Variants in FMO3 observed in about 807,000 individuals in gnomAD.
FMO3 encodes the protein flavin containing dimethylaniline monoxygenase 3.
FMO3 carries 40 observed loss-of-function variants against 39.4 expected under a neutral mutation model. The ratio of observed to expected loss-of-function variants is 1.02; its 90% CI spans 0.79 to 1.32. The LOEUF is 1.32. Ranked by LOEUF, FMO3 falls within the 40% of genes most tolerant of loss-of-function variation. FMO3 has a pLI of 0.00. For synonymous variants in FMO3, 219 were observed against 228.8 expected (o/e 0.96, Z 0.39); for missense variants, 680 against 651.8 (o/e 1.04, Z -0.47).
rs1272816715 is a variant in FMO3, at chr1:171,096,041, TA to T, written c.132+3252del. On this transcript the variant is annotated intron_variant, in intron 2 of 8. Transcript: ENST00000367755. ...TTATATATTAATATATAATATATATTATATATAAATATATAATATATATTAT... is the reference window on the plus strand; with the variant it reads ...TTATATATTAATATATAATATATATTTATATAAATATATAATATATATTAT... 1.2e-4 allele frequency among the ~76,000 whole-genome samples: 7 copies of T among 56,474 alleles called. 1 individual carries two copies. Among genetic ancestry groups the T allele is most frequent in the South Asian group, 6.8e-4 (1 of 1,470 alleles). The allele number at this position is 56,474 out of a possible 152,430, so 37.0% of individuals were successfully genotyped here.
At position 171,108,183 on chromosome 1, in the gene FMO3, T is replaced by C; in HGVS notation, c.589T>C (p.Cys197Arg). 6.2e-7 allele frequency: 1 copy of C among 1,613,702 alleles called. No homozygotes were observed. The highest frequency in any genetic ancestry group is 1.1e-5 in the South Asian group (1 of 91,074). ...VLVVGLGNSG[C>R]DIATELSRTA... ...GGTGGTTGGCCTGGGGAATTCGGGC[T>C]GTGATATTGCCACAGAACTCAGCCG... Residue 197 changes from cysteine (C) to arginine (R), a missense_variant, in exon 5 of 9, where the codon TGT becomes CGT. Cys to Arg is a radical substitution (Grantham distance 180). Coordinates refer to ENST00000367755, the MANE Select transcript of FMO3 (RefSeq NM_001002294.3).
At chr1:171,092,908 T>C (rs986796899) in intron 2 of FMO3, 118 bp downstream of exon 2, 23 of 1,093,456 alleles carry the variant, frequency 2.1e-5, no homozygotes, top group Non-Finnish European at 2.4e-5. Flanking sequence ...CTGTTAGAAT[T>C]GGAATCCACT....
At chr1:171,109,153 A>G (rs1386224127) in intron 5 of FMO3, among the ~76,000 whole-genome samples, 1 of 152,146 alleles carries the variant, frequency 6.6e-6, no homozygotes, top group Non-Finnish European at 1.5e-5. Flanking sequence ...AGAAAGGATA[A>G]ATGAGGACCA....
intron 2 of FMO3, chr1:171,101,597 A>T: frequency 6.7e-6 from 3 of 450,706 alleles, no homozygotes; most frequent in South Asian, 4.8e-5. Flanking sequence ...CTTAGCTAAC[A>T]CTAAGGGTGC....
chr1:171,095,794 AAAATAT>A (rs1357430587), intron 2 of FMO3, among the ~76,000 whole-genome samples: 1 of 128,828 alleles, frequency 7.8e-6, no homozygotes, highest in Non-Finnish European at 1.6e-5. Flanking sequence ...AAATATATAA[AAAATAT>A]AAATATATAT....
At chr1:171,110,284 T>C (rs575563515) in intron 5 of FMO3, among the ~76,000 whole-genome samples, 3 of 152,338 alleles carry the variant, frequency 2.0e-5, no homozygotes, top group Admixed American at 2.0e-4. Flanking sequence ...TGCTTATTTG[T>C]AGACAGCAAT....
rs1013913369 is a variant in FMO3 at position 171,096,775 on chromosome 1, A to C, written c.132+3985A>C. On this transcript the variant is annotated intron_variant, in intron 2 of 8. Transcript: ENST00000367755. The stretch of plus-strand genomic sequence containing the variant: ...TATATTAAAAATATATAATTAATAT[A>C]ATTATATTAAAAATATATATATTTG... Among the ~76,000 whole-genome samples the C allele has an allele frequency of 9.2e-5, 11 of 119,670 alleles. No individual in the cohort carries two copies. The East Asian group carries it at 2.4e-3, about 26-fold the overall frequency. The allele number at this position is 119,670 out of a possible 152,430, so 78.5% of individuals were successfully genotyped here.
chr1:171,101,205 T>A, intron 2 of FMO3: 1 of 456,246 alleles, frequency 2.2e-6, no homozygotes, highest in Non-Finnish European at 4.4e-6. Flanking sequence ...AAAATGAACA[T>A]GGTACTGTCA....
chr1:171,093,425 A>G (rs542412332), intron 2 of FMO3, among the ~76,000 whole-genome samples: 1 of 151,918 alleles, frequency 6.6e-6, no homozygotes, highest in African/African-American at 2.4e-5. Flanking sequence ...AATGGCCTCC[A>G]GTCCCATCCA....
chr1:171,111,054 C>T lies in FMO3; in HGVS notation c.827+57C>T, dbSNP rs562815035. On this transcript the variant is annotated intron_variant, in intron 6 of 8. Coordinates refer to ENST00000367755, the MANE Select transcript of FMO3 (RefSeq NM_001002294.3). Reference sequence around the variant, plus strand: ...GGCTTTTAGTTCAGTGTCAACAACCCTTAATGTCCTGTAAGCCCAAAACAA... The same window carrying T: ...GGCTTTTAGTTCAGTGTCAACAACCTTTAATGTCCTGTAAGCCCAAAACAA... 3 of 1,380,082 alleles carry T rather than the reference C, an allele frequency of 2.2e-6. No homozygotes were observed. The South Asian group carries it at 3.5e-5, about 16-fold the overall frequency. The allele number at this position is 1,380,082 out of a possible 1,614,324, so 85.5% of individuals were successfully genotyped here.
At chr1:171,091,656 A>G (rs1654714660) in intron 1 of FMO3, among the ~76,000 whole-genome samples, 1 of 151,284 alleles carries the variant, frequency 6.6e-6, no homozygotes, top group African/African-American at 2.4e-5. Flanking sequence ...TGCTGTAACC[A>G]TAGCTCACTG....
intron 4 of FMO3, 60 bp downstream of exon 4, chr1:171,107,897 GTCT>G (rs143661234): frequency 0.075 from 114,497 of 1,532,200 alleles, 6,731 homozygotes; most frequent in Admixed American, 0.25. Context: ...TCTTGATAAT[GTCT>G]TCTTTTTTCT....
In FMO3 at chr1:171,114,065, A is replaced by C. The variant is rs769596406; in HGVS notation, c.886A>C (p.Ile296Leu). The C allele has an allele frequency of 6.2e-7, 1 of 1,613,388 alleles. No homozygotes were observed. The highest frequency in any genetic ancestry group is 8.5e-7 in the Non-Finnish European group (1 of 1,179,496). The change falls in exon 7 of 9, where the codon ATT (isoleucine) becomes CTT (leucine). Residue 296 changes from isoleucine (I) to leucine (L), a missense_variant. Physicochemically the swap from Ile to Leu is conservative, Grantham distance 5. Transcript: ENST00000367755. ...GCTCCCAGCAAGCATTCTGTGTGGCATTGTGTCCGTAAAGCCTAACGTGAA... is the reference window on the plus strand; with the variant it reads ...GCTCCCAGCAAGCATTCTGTGTGGCCTTGTGTCCGTAAAGCCTAACGTGAA... ...DELPASILCGIVSVKPNVKEF... is the reference protein window; with the variant it reads ...DELPASILCGLVSVKPNVKEF...
intron 2 of FMO3, among the ~76,000 whole-genome samples, chr1:171,094,088 C>A (rs1172985524): frequency 6.6e-6 from 1 of 151,948 alleles, no homozygotes; most frequent in Non-Finnish European, 1.5e-5. Flanking sequence ...CTCGGACTCC[C>A]AAAGTGCTGG....
intron 2 of FMO3, chr1:171,100,129 A>C (rs1655308622): frequency 6.6e-6 from 1 of 152,090 alleles, no homozygotes; most frequent in African/African-American, 2.4e-5. Flanking sequence ...CCTCATACTC[A>C]AATTTAGTTT....
rs1656224130 is a variant in FMO3 at position 171,117,624 on chromosome 1, A to G, written c.*182A>G. The G allele has an allele frequency of 1.7e-6, 1 of 574,204 alleles. No individual in the cohort carries two copies. The highest frequency in any genetic ancestry group is 3.1e-6 in the Non-Finnish European group (1 of 326,154). The allele number at this position is 574,204 out of a possible 1,614,324, so 35.6% of individuals were successfully genotyped here. On this transcript the variant is annotated 3_prime_UTR_variant, in exon 9 of 9. Transcript: ENST00000367755. ...CTCTGAAATAGCCACTTTAAGAATC[A>G]TGTCATGATCTTAAGAGAGCACTAA...
At chr1:171,104,867 C>T (rs1655571093) in intron 3 of FMO3, among the ~76,000 whole-genome samples, 2 of 151,864 alleles carry the variant, frequency 1.3e-5, no homozygotes, top group South Asian at 4.2e-4. Flanking sequence ...GAGTGAGACC[C>T]TATCTCAAAA....
intron 2 of FMO3, among the ~76,000 whole-genome samples, chr1:171,101,364 A>G (rs1655384472): frequency 1.3e-5 from 2 of 152,158 alleles, no homozygotes; most frequent in Admixed American, 6.6e-5. Flanking sequence ...AGCGTTTCCT[A>G]TTTTACTACT....
chr1:171,106,634 AAAAT>A (rs1195094036), intron 3 of FMO3, among the ~76,000 whole-genome samples: 9 of 152,210 alleles, frequency 5.9e-5, no homozygotes, highest in African/African-American at 2.2e-4. Context: ...TAAGTAAAGA[AAAAT>A]AAAGAGAATG....
Sources: allele counts gnomAD v4.1 joint callset (sites outside exome capture counted in the v4.1 genomes callset), GRCh38; gene constraint gnomAD v4.1.1; transcripts MANE v1.5; gene names NCBI Gene and HGNC (gene_info 2026-07-23, HGNC 2026-07-21).